The following ANKFN1 variants were observed in gnomAD, a reference collection of about 807,000 sequenced individuals.
ANKFN1 encodes the protein ankyrin repeat and fibronectin type-III domain-containing protein 1.
ANKFN1 carries 74 observed loss-of-function variants against 108.7 expected under a neutral mutation model. The observed-to-expected ratio is 0.68, with a 90% confidence interval of 0.56 to 0.83. The LOEUF is 0.83. Among genes scored for constraint, ANKFN1 ranks in the 40% least tolerant of loss-of-function variants. ANKFN1 has a pLI of 0.00. For synonymous variants in ANKFN1, 547 were observed against 516.2 expected (o/e 1.06, Z -0.81); for missense variants, 1,505 against 1,382.3 (o/e 1.09, Z -1.41).
Position 56,387,347 on chromosome 17 carries a change from G to A in ANKFN1, c.910+12633G>A, listed in dbSNP as rs1026009711. 5.3e-5 allele frequency among the ~76,000 whole-genome samples: 8 copies of A among 152,092 alleles called. No homozygotes were observed. In the South Asian group the frequency reaches 6.2e-4, roughly 12 times the overall value. On this transcript the variant is annotated intron_variant, in intron 8 of 20. Transcript: ENST00000682825. ...CCATATCCAAAAAGTTTAAAATGTG[G>A]TGTTGTAACTATCACTTATTTGTAA...
At chr17:56,338,073 A>G (rs11079222) in intron 4 of ANKFN1, among the ~76,000 whole-genome samples, 22,695 of 152,230 alleles carry the variant, frequency 0.15, 2,163 homozygotes, top group East Asian at 0.41. Flanking sequence ...TCAATGATAG[A>G]CTGGATTAAG....
chr17:56,374,915 C>T (rs190131637), intron 8 of ANKFN1, among the ~76,000 whole-genome samples: 61 of 152,204 alleles, frequency 4.0e-4, no homozygotes, highest in African/African-American at 1.4e-3. Context: ...AAAGGAAGAA[C>T]CACAAGACCA....
chr17:56,413,940 A>C (rs2048167419), intron 8 of ANKFN1, among the ~76,000 whole-genome samples: 1 of 152,128 alleles, frequency 6.6e-6, no homozygotes. Flanking sequence ...ATCCTCCCAA[A>C]GTTCTGGGAT....
rs151199471 is a variant in ANKFN1, at chr17:56,170,371, C to T, written c.-71+16841C>T. Reference sequence around the variant, plus strand: ...GAGCTATAAGAACTCAGAGAGGGAGCGACAGAGTCTGCAGGAGGCAGACAG... The same window carrying T: ...GAGCTATAAGAACTCAGAGAGGGAGTGACAGAGTCTGCAGGAGGCAGACAG... On this transcript the variant is annotated intron_variant, in intron 1 of 20. Transcript: ENST00000682825. Among the ~76,000 whole-genome samples the T allele has an allele frequency of 4.9e-3, 745 of 152,162 alleles. 6 individuals carry two copies. The highest frequency in any genetic ancestry group is 0.017 in the African/African-American group (716 of 41,500).
chr17:56,501,633 A>G (rs2051374519), intron 20 of ANKFN1, among the ~76,000 whole-genome samples: 1 of 152,204 alleles, frequency 6.6e-6, no homozygotes, highest in Admixed American at 6.5e-5. Flanking sequence ...AGCTAATATT[A>G]TAGATTTAAG....
intron 6 of ANKFN1, among the ~76,000 whole-genome samples, chr17:56,357,683 C>T (rs890715277): frequency 2.0e-5 from 3 of 152,232 alleles, no homozygotes; most frequent in Non-Finnish European, 4.4e-5. Flanking sequence ...TGCTTCTGTA[C>T]GTGAGTTTGA....
At chr17:56,299,817 A>G (rs1398289864) in intron 3 of ANKFN1, among the ~76,000 whole-genome samples, 1 of 152,218 alleles carries the variant, frequency 6.6e-6, no homozygotes, top group Non-Finnish European at 1.5e-5. Flanking sequence ...TCTATTCTCC[A>G]TTGTGATTCA....
At chr17:56,379,434 C>G (rs546910957) in intron 8 of ANKFN1, among the ~76,000 whole-genome samples, 1 of 152,108 alleles carries the variant, frequency 6.6e-6, no homozygotes, top group Admixed American at 6.6e-5. Context: ...GTCCTTCACC[C>G]TTCTTCCAGT....
intron 1 of ANKFN1, among the ~76,000 whole-genome samples, chr17:56,168,266 A>C (rs940867747): frequency 6.6e-6 from 1 of 151,988 alleles, no homozygotes; most frequent in Non-Finnish European, 1.5e-5. Context: ...CAAAAAAAAA[A>C]AAAAAAAGGC....
intron 10 of ANKFN1, 44 bp from the exon 11 acceptor site, chr17:56,449,035 C>A: frequency 6.4e-7 from 1 of 1,563,026 alleles, no homozygotes; most frequent in Middle Eastern, 1.7e-4. Context: ...AAGAGGCCTC[C>A]CCTGTTTTAA....
intron 1 of ANKFN1, among the ~76,000 whole-genome samples, chr17:56,182,777 A>G (rs1911808303): frequency 6.6e-6 from 1 of 152,212 alleles, no homozygotes; most frequent in African/African-American, 2.4e-5. Flanking sequence ...TTTTAGCTAG[A>G]GAATAGAAGT....
chr17:56,471,821 T>C (rs545398477), intron 15 of ANKFN1: 2 of 152,366 alleles, frequency 1.3e-5, no homozygotes, highest in African/African-American at 4.8e-5. Flanking sequence ...TCCACTTATA[T>C]GCTATGCCCA....
chr17:56,342,670 A>G (rs1476942465), intron 4 of ANKFN1, among the ~76,000 whole-genome samples: 1 of 152,032 alleles, frequency 6.6e-6, no homozygotes, highest in East Asian at 1.9e-4. Flanking sequence ...ATTGTTTGAT[A>G]TGATTTCAGT....
At chr17:56,429,388 T>C (rs1420044723) in intron 8 of ANKFN1, among the ~76,000 whole-genome samples, 1 of 152,240 alleles carries the variant, frequency 6.6e-6, no homozygotes, top group East Asian at 1.9e-4. Flanking sequence ...AAGGATCAGA[T>C]AGTAAATATT....
rs116705988 is a variant in ANKFN1, at chr17:56,315,872, T to C, written c.54-10349T>C. On this transcript the variant is annotated intron_variant, in intron 3 of 20. Coordinates refer to ENST00000682825, the MANE Select transcript of ANKFN1 (RefSeq NM_001370326.1). Reference sequence around the variant, plus strand: ...CACACCAATGTCTGTGAAGAGAAGATGGGAATAATAGAGATGAGGCTACAA... The same window carrying C: ...CACACCAATGTCTGTGAAGAGAAGACGGGAATAATAGAGATGAGGCTACAA... Among the ~76,000 whole-genome samples, 710 of 152,300 alleles carry C rather than the reference T, an allele frequency of 4.7e-3. 10 individuals are homozygous for C. The highest frequency in any genetic ancestry group is 0.016 in the African/African-American group (675 of 41,558).
intron 4 of ANKFN1, among the ~76,000 whole-genome samples, chr17:56,117,544 C>T (rs994119779): frequency 3.9e-5 from 6 of 152,262 alleles, no homozygotes; most frequent in African/African-American, 1.4e-4. Context: ...AGAAATTTGT[C>T]TCAAGAAGGC....
At chr17:56,454,751 A>G (rs987590540) in intron 11 of ANKFN1, among the ~76,000 whole-genome samples, 3 of 152,234 alleles carry the variant, frequency 2.0e-5, no homozygotes, top group Admixed American at 2.0e-4. Context: ...CTGAGAACCC[A>G]ATAGGGAAAT....
chr17:56,180,027 T>C (rs1488504200), intron 1 of ANKFN1, among the ~76,000 whole-genome samples: 1 of 152,142 alleles, frequency 6.6e-6, no homozygotes. Context: ...AATAAATAAG[T>C]CAACAAAGAG....
At chr17:56,315,344 C>A (rs2045170800) in intron 3 of ANKFN1, among the ~76,000 whole-genome samples, 1 of 152,134 alleles carries the variant, frequency 6.6e-6, no homozygotes, top group Non-Finnish European at 1.5e-5. Flanking sequence ...ACTGAAGGAA[C>A]AATGAGAATG....
Sources: gnomAD v4.1 joint callset for allele counts (sites outside exome capture counted in the v4.1 genomes callset) on GRCh38, gnomAD v4.1.1 for gene constraint, MANE v1.5 for transcripts, NCBI Gene and HGNC (gene_info 2026-07-23, HGNC 2026-07-21) for gene names.